The following VPS41 variants were observed in gnomAD, a reference collection of about 807,000 sequenced individuals.
VPS41 encodes the protein vacuolar protein sorting-associated protein 41 homolog.
In VPS41, 85 loss-of-function variants were observed where a neutral mutation model predicts 130.9. The ratio of observed to expected loss-of-function variants is 0.65; its 90% confidence interval spans 0.55 to 0.78. VPS41 has a LOEUF of 0.78. Ranked by LOEUF, VPS41 falls within the 30% of genes least tolerant of loss-of-function variation. The pLI, the probability that VPS41 is intolerant of heterozygous loss-of-function variation, is 0.00. For missense variants in VPS41, 874 were observed against 1,018.7 expected (o/e 0.86, Z 1.93); for synonymous variants, 335 against 332.9 (o/e 1.01, Z -0.07).
At chr7:38,744,307 T>A (rs895928364) in intron 23 of VPS41, among the ~76,000 whole-genome samples, 2 of 152,154 alleles carry the variant, frequency 1.3e-5, no homozygotes, top group African/African-American at 2.4e-5. Flanking sequence ...TGGTTGTAGG[T>A]TGTCACCCTT....
chr7:38,830,469 C>T (rs1198784985), intron 4 of VPS41, 141 bp from the exon 5 acceptor site: 11 of 682,612 alleles, frequency 1.6e-5, no homozygotes, highest in Middle Eastern at 3.0e-4. Flanking sequence ...ACACAAAGCA[C>T]AGTAGAAACT....
chr7:38,819,419 G>C (rs1423199551), intron 6 of VPS41, among the ~76,000 whole-genome samples: 2 of 152,132 alleles, frequency 1.3e-5, no homozygotes, highest in Non-Finnish European at 2.9e-5. Context: ...ACCTTCCCAG[G>C]ACACGGCCCC....
intron 1 of VPS41, among the ~76,000 whole-genome samples, chr7:38,900,084 G>A (rs1787109326): frequency 6.6e-6 from 1 of 151,978 alleles, no homozygotes; most frequent in Admixed American, 6.6e-5. Context: ...CTCATCTCTA[G>A]AAAAAATGAA....
intron 1 of VPS41, 38 bp from the exon 2 acceptor site, chr7:38,898,167 G>A (rs1787054457): frequency 1.9e-6 from 3 of 1,570,910 alleles, no homozygotes; most frequent in African/African-American, 1.4e-5. Flanking sequence ...CAGAAGAGAT[G>A]ATAAAAGAAT....
At chr7:38,797,047 C>T (rs933432330) in intron 7 of VPS41, 183 bp from the exon 8 acceptor site, 19 of 671,004 alleles carry the variant, frequency 2.8e-5, no homozygotes, top group Non-Finnish European at 4.1e-5. Flanking sequence ...ACATCATATT[C>T]TCCCCAGGAA....
intron 7 of VPS41, 116 bp downstream of exon 7, chr7:38,817,700 CT>C: frequency 1.1e-6 from 1 of 890,730 alleles, no homozygotes; most frequent in Non-Finnish European, 1.9e-6. Flanking sequence ...TTACATTTGT[CT>C]TTCTCGAATT....
intron 8 of VPS41, among the ~76,000 whole-genome samples, chr7:38,796,113 T>C (rs1340830713): frequency 6.6e-6 from 1 of 152,062 alleles, no homozygotes. Flanking sequence ...CCAGGAGAAG[T>C]AAGAAAAGTC....
At chr7:38,861,148 A>G (rs966528606) in intron 4 of VPS41, among the ~76,000 whole-genome samples, 1 of 152,258 alleles carries the variant, frequency 6.6e-6, no homozygotes, top group African/African-American at 2.4e-5. Context: ...TATACTGAAT[A>G]GATACAAGGA....
At chr7:38,824,565 A>C (rs886781466) in intron 5 of VPS41, among the ~76,000 whole-genome samples, 2 of 152,204 alleles carry the variant, frequency 1.3e-5, no homozygotes, top group African/African-American at 2.4e-5. Flanking sequence ...ATTCTTCTAC[A>C]TGCTATCTTT....
intron 7 of VPS41, among the ~76,000 whole-genome samples, chr7:38,814,652 AAAAAACAAAAAC>A (rs1356594593): frequency 6.6e-6 from 1 of 152,150 alleles, no homozygotes; most frequent in Admixed American, 6.5e-5. Flanking sequence ...TCTGTCTCAA[AAAAAACAAAAAC>A]AAAAACAAAA....
chr7:38,762,922 G>C (rs1783950956), intron 17 of VPS41, among the ~76,000 whole-genome samples: 1 of 152,060 alleles, frequency 6.6e-6, no homozygotes, highest in African/African-American at 2.4e-5. Context: ...GAAATCAACA[G>C]GGTAACTTTG....
intron 2 of VPS41, among the ~76,000 whole-genome samples, chr7:38,880,919 G>A (rs1584442859): frequency 6.6e-6 from 1 of 152,262 alleles, no homozygotes; most frequent in African/African-American, 2.4e-5. Flanking sequence ...GCTCCCCACA[G>A]TATTAGCAGT....
chr7:38,834,203 G>GT (rs1785444535), intron 4 of VPS41, among the ~76,000 whole-genome samples: 3 of 151,914 alleles, frequency 2.0e-5, no homozygotes, highest in Admixed American at 2.0e-4. Flanking sequence ...GCACTTAATG[G>GT]TAAGATGTTG....
intron 1 of VPS41, among the ~76,000 whole-genome samples, chr7:38,905,792 G>T (rs944789898): frequency 5.3e-5 from 8 of 151,936 alleles, no homozygotes; most frequent in Non-Finnish European, 4.4e-5. Context: ...GGGTTTTTTT[G>T]TTGTTGTTGT....
rs775024581 is a variant in VPS41, at chr7:38,767,597, T to C, written c.1187A>G (p.Asp396Gly). 4.4e-6 allele frequency: 7 copies of C among 1,608,350 alleles called. No individual in the cohort carries two copies. The highest frequency in any genetic ancestry group is 4.2e-6 in the Non-Finnish European group (5 of 1,176,562). ...GTGATTTATATATGCCAAGCCAATA[T>C]CCTAGAGAAAGCCAAATGAAGAAAT... ...QKNIKRHKIL[D>G]IGLAYINHLV... The change falls in exon 15 of 29, where the codon GAT becomes GGT. Residue 396 changes from aspartate (D) to glycine (G), a missense_variant and splice_region_variant. By Grantham distance (94) the Asp-to-Gly change is moderately conservative (BLOSUM62 -1). Coordinates refer to ENST00000310301, the MANE Select transcript of VPS41 (RefSeq NM_014396.4).
chr7:38,782,081 C>A (rs1015862231), intron 10 of VPS41, among the ~76,000 whole-genome samples: 6 of 152,196 alleles, frequency 3.9e-5, no homozygotes, highest in African/African-American at 1.4e-4. Context: ...TGGCTCAGCT[C>A]CTCCCTGGTG....
chr7:38,759,641 T>A (rs1003072308), intron 17 of VPS41, among the ~76,000 whole-genome samples: 4 of 152,182 alleles, frequency 2.6e-5, no homozygotes, highest in African/African-American at 4.8e-5. Context: ...AATGTACAAC[T>A]AAGAAAGCTA....
intron 10 of VPS41, among the ~76,000 whole-genome samples, chr7:38,784,018 A>T (rs1334818989): frequency 1.3e-5 from 2 of 152,188 alleles, no homozygotes; most frequent in Non-Finnish European, 2.9e-5. Context: ...CATCTTCCCC[A>T]AATTGTCTTT....
intron 2 of VPS41, among the ~76,000 whole-genome samples, chr7:38,894,911 A>G (rs534601128): frequency 2.2e-4 from 33 of 152,236 alleles, no homozygotes; most frequent in Non-Finnish European, 3.8e-4. Flanking sequence ...ACTTTCCTCA[A>G]TCTTAAAATA....
Sources: allele counts gnomAD v4.1 joint callset (sites outside exome capture counted in the v4.1 genomes callset), GRCh38; gene constraint gnomAD v4.1.1; transcripts MANE v1.5; gene names NCBI Gene and HGNC (gene_info 2026-07-23, HGNC 2026-07-21).